ADAP1: variants seen among roughly 807,000 people sequenced by gnomAD.
ADAP1 encodes arf-GAP with dual PH domain-containing protein 1.
ADAP1 carries 31 observed loss-of-function variants against 54.9 expected under a neutral mutation model. That is an observed-to-expected ratio of 0.56 (90% CI 0.42 to 0.76). The LOEUF is 0.76. Ranked by LOEUF, ADAP1 falls within the 30% of genes least tolerant of loss-of-function variation. The pLI is 0.00. For missense variants in ADAP1, 535 were observed against 512.4 expected (o/e 1.04, Z -0.42); for synonymous variants, 313 against 202.6 (o/e 1.55, Z -4.63).
rs1847342940 is a variant in ADAP1, at chr7:954,564, C to T, written c.-87G>A. 1 of 988,662 alleles carries T rather than the reference C, an allele frequency of 1.0e-6. No homozygotes were observed. The highest frequency in any genetic ancestry group is 1.2e-6 in the Non-Finnish European group (1 of 833,360). The allele number at this position is 988,662 out of a possible 1,614,324, so 61.2% of individuals were successfully genotyped here. A position where few individuals can be genotyped will look rare whatever the true frequency, so the allele number is the denominator to read the frequency against. On this transcript the variant is annotated 5_prime_UTR_variant, in exon 1 of 11. Coordinates refer to ENST00000265846, the MANE Select transcript of ADAP1 (RefSeq NM_006869.4). ...CTAGGGCCCCGCGCAGGCCGCCCGC[C>T]GCCGCCGCCCCTGCGCCATCCCGGG... is the stretch of plus-strand genomic sequence containing the variant.
intron 2 of ADAP1, among the ~76,000 whole-genome samples, chr7:933,058 G>A (rs1280568566): frequency 2.0e-5 from 3 of 152,058 alleles, no homozygotes; most frequent in African/African-American, 4.8e-5. Context: ...GATCACCTGC[G>A]GTCAGGAGTT....
At position 898,633 on chromosome 7, in the gene ADAP1, TGGG is replaced by T; in HGVS notation, c.*285_*287del. The T allele has an allele frequency of 4.0e-6, 2 of 499,624 alleles. No individual in the cohort carries two copies. The highest frequency in any genetic ancestry group is 7.3e-6 in the Non-Finnish European group (2 of 273,368). The allele number at this position is 499,624 out of a possible 1,614,324, so 30.9% of individuals were successfully genotyped here. A position where few individuals can be genotyped will look rare whatever the true frequency, so the allele number is the denominator to read the frequency against. ...CTGTGTCTGAGCTCGGGAGCCAGAC[TGGG>T]CCCTGGAGGAAAGGGGGCCCCGGGT... is the stretch of plus-strand genomic sequence containing the variant. On this transcript the variant is annotated 3_prime_UTR_variant, in exon 11 of 11. Coordinates refer to ENST00000265846, the MANE Select transcript of ADAP1 (RefSeq NM_006869.4).
intron 3 of ADAP1, among the ~76,000 whole-genome samples, chr7:922,139 G>C (rs924196391): frequency 3.9e-5 from 6 of 152,198 alleles, no homozygotes; most frequent in African/African-American, 1.4e-4. Flanking sequence ...CACAGCCCTG[G>C]AGGGGCCGCA....
At chr7:937,043 C>G (rs1846782149) in intron 1 of ADAP1, among the ~76,000 whole-genome samples, 1 of 152,008 alleles carries the variant, frequency 6.6e-6, no homozygotes, top group South Asian at 2.1e-4. Context: ...AACCAGCAGG[C>G]TGAACCTCGG....
chr7:952,910 C>T (rs1847305312), intron 1 of ADAP1, among the ~76,000 whole-genome samples: 1 of 152,108 alleles, frequency 6.6e-6, no homozygotes, highest in Admixed American at 6.5e-5. Flanking sequence ...GAGGGGAGGA[C>T]CACTGAAGGA....
intron 4 of ADAP1, among the ~76,000 whole-genome samples, chr7:905,869 A>G (rs1170801983): frequency 3.6e-5 from 2 of 55,658 alleles, no homozygotes; most frequent in Admixed American, 1.6e-4. Flanking sequence ...GGGAGAAGGG[A>G]GAAGGGAGAA....
chr7:911,148 A>C (rs952094953), intron 4 of ADAP1, among the ~76,000 whole-genome samples: 91 of 152,080 alleles, frequency 6.0e-4, no homozygotes, highest in Non-Finnish European at 1.0e-4. Context: ...CCCTGCGTGG[A>C]GCTCTCTCTC....
chr7:926,926 G>A lies in ADAP1; in HGVS notation c.214-282C>T. On this transcript the variant is annotated intron_variant, in intron 2 of 10. Coordinates refer to ENST00000265846, the MANE Select transcript of ADAP1 (RefSeq NM_006869.4). The surrounding 1 kb of genome is among the most constrained non-coding windows in gnomAD (Gnocchi z 4.6). ...CCTTTTGAGGATGGGTCTGAGGTTT[G>A]CCCCACCGTTTCAACCCCCAAGTCC... 8.2e-7 allele frequency: 1 copy of A among 1,213,962 alleles called. No individual in the cohort carries two copies. The highest frequency in any genetic ancestry group is 1.6e-5 in the South Asian group (1 of 60,958). 75.2% of individuals were successfully genotyped at this position (1,213,962 alleles called of 1,614,324 possible).
At chr7:952,142 CG>C (rs1562939978) in intron 1 of ADAP1, among the ~76,000 whole-genome samples, 1 of 152,132 alleles carries the variant, frequency 6.6e-6, no homozygotes, top group Non-Finnish European at 1.5e-5. Context: ...TCTGGGTGGC[CG>C]CCGGGCGAGG....
intron 9 of ADAP1, 25 bp from the exon 10 acceptor site, chr7:899,286 G>T: frequency 6.2e-7 from 1 of 1,611,436 alleles, no homozygotes; most frequent in East Asian, 2.2e-5. Flanking sequence ...CGCACTGGAG[G>T]CGGGGCCATG....
intron 1 of ADAP1, among the ~76,000 whole-genome samples, chr7:948,441 G>A (rs1184121222): frequency 6.6e-6 from 1 of 152,110 alleles, no homozygotes; most frequent in East Asian, 1.9e-4. Flanking sequence ...GAGGAAAACA[G>A]TCACTTCCAA....
At chr7:899,357 C>T (rs777809350) in intron 9 of ADAP1, 62 bp downstream of exon 9, 90 of 1,606,716 alleles carry the variant, frequency 5.6e-5, no homozygotes, top group Middle Eastern at 4.9e-4. Context: ...CTCCTGGTCA[C>T]GCATCTGGCA....
At chr7:919,542 G>A (rs944578477) in intron 4 of ADAP1, among the ~76,000 whole-genome samples, 14 of 140,658 alleles carry the variant, frequency 1.0e-4, no homozygotes, top group African/African-American at 3.6e-4. Context: ...GGGAAGGAGA[G>A]AGAGAGGGAG....
intron 2 of ADAP1, chr7:927,298 T>G: frequency 8.4e-7 from 1 of 1,192,248 alleles, no homozygotes; most frequent in Non-Finnish European, 1.1e-6. Flanking sequence ...ACGCACACTG[T>G]GCTCCTGGCA....
intron 4 of ADAP1, among the ~76,000 whole-genome samples, chr7:918,651 G>A (rs746354514): frequency 7.2e-5 from 11 of 152,154 alleles, no homozygotes; most frequent in Non-Finnish European, 1.2e-4. Context: ...CCAGCCTTTG[G>A]ACCCCGCCCT....
intron 1 of ADAP1, among the ~76,000 whole-genome samples, chr7:940,049 G>T (rs1846900358): frequency 6.6e-6 from 1 of 152,168 alleles, no homozygotes; most frequent in Non-Finnish European, 1.5e-5. Flanking sequence ...TGTAAAGTTA[G>T]AGGTTGTCTG....
Position 946,018 on chromosome 7 carries a change from C to T in ADAP1, c.82+8378G>A, listed in dbSNP as rs1385140706. Among the ~76,000 whole-genome samples the T allele has an allele frequency of 2.0e-5, 3 of 152,174 alleles. No individual in the cohort carries two copies. Among genetic ancestry groups the T allele is most frequent in the African/African-American group, 7.2e-5 (3 of 41,444 alleles). Reference sequence around the variant, plus strand: ...CCGGTGCAATCGAGGCCGGGTCGGACGCTGGCTCTGGCCAGGCACGCAAGG... The same window carrying T: ...CCGGTGCAATCGAGGCCGGGTCGGATGCTGGCTCTGGCCAGGCACGCAAGG... On this transcript the variant is annotated intron_variant, in intron 1 of 10. Transcript: ENST00000265846. The surrounding 1 kb of genome is among the most constrained non-coding windows in gnomAD (Gnocchi z 4.3).
At chr7:944,109 G>A (rs536583854) in intron 1 of ADAP1, among the ~76,000 whole-genome samples, 2 of 152,076 alleles carry the variant, frequency 1.3e-5, no homozygotes, top group South Asian at 4.2e-4. Flanking sequence ...TAGAAACAAG[G>A]TATTGCTATA....
At chr7:908,597 G>T (rs1445121170) in intron 4 of ADAP1, among the ~76,000 whole-genome samples, 1 of 152,234 alleles carries the variant, frequency 6.6e-6, no homozygotes, top group Non-Finnish European at 1.5e-5. Context: ...CCCAAGTAAG[G>T]CCTGCTCAGA....
Sources: allele counts gnomAD v4.1 joint callset (sites outside exome capture counted in the v4.1 genomes callset), GRCh38; gene constraint gnomAD v4.1.1; non-coding constraint Gnocchi (gnomAD v3.1); transcripts MANE v1.5; gene names NCBI Gene and HGNC (gene_info 2026-07-23, HGNC 2026-07-21).